The following DSCAM variants were observed in gnomAD, a reference collection of about 807,000 sequenced individuals.
DSCAM encodes the protein cell adhesion molecule DSCAM.
Under a neutral mutation model 217.7 loss-of-function variants are expected in DSCAM, and 47 were observed. That is an observed-to-expected ratio of 0.22 (90% CI 0.17 to 0.28). The LOEUF (loss-of-function observed/expected upper bound fraction) is 0.28, where lower values mean the gene tolerates loss of function less well. Among genes scored for constraint, DSCAM ranks in the 10% least tolerant of loss-of-function variants. DSCAM has a pLI of 1.00. For synonymous variants in DSCAM, 1,056 were observed against 1,015.3 expected (o/e 1.04, Z -0.76); for missense variants, 2,080 against 2,618.3 (o/e 0.79, Z 4.49).
At chr21:40,201,797 C>T (rs1159262444) in intron 11 of DSCAM, among the ~76,000 whole-genome samples, 15 of 152,046 alleles carry the variant, frequency 9.9e-5, no homozygotes, top group Non-Finnish European at 2.9e-5. Context: ...TTTTGATTTC[C>T]TGCCATCAAT....
intron 21 of DSCAM, among the ~76,000 whole-genome samples, chr21:40,089,532 C>G (rs1568934672): frequency 6.6e-6 from 1 of 152,230 alleles, no homozygotes; most frequent in Non-Finnish European, 1.5e-5. Context: ...CCCCATTCTG[C>G]CACTCCCTCC....
chr21:40,041,771 C>CACTG (rs1427330884), intron 32 of DSCAM, among the ~76,000 whole-genome samples: 1 of 152,172 alleles, frequency 6.6e-6, no homozygotes, highest in African/African-American at 2.4e-5. Flanking sequence ...AAGTCCCAAA[C>CACTG]ACTGACTATA....
chr21:40,802,724 T>G (rs2091753155), intron 1 of DSCAM, among the ~76,000 whole-genome samples: 1 of 152,228 alleles, frequency 6.6e-6, no homozygotes, highest in Non-Finnish European at 1.5e-5. Flanking sequence ...CACCATGTGA[T>G]GGCCTGGGCT....
chr21:40,067,690 G>T (rs1450233263), intron 27 of DSCAM, among the ~76,000 whole-genome samples: 1 of 147,986 alleles, frequency 6.8e-6, no homozygotes, highest in African/African-American at 2.5e-5. Flanking sequence ...TAAGCATCCT[G>T]AGTTTCTCCC....
At chr21:40,127,118 G>A (rs2090102356) in intron 19 of DSCAM, among the ~76,000 whole-genome samples, 1 of 152,070 alleles carries the variant, frequency 6.6e-6, no homozygotes. Flanking sequence ...GCTGGCTTAT[G>A]TTTTTACTGT....
rs868679993 is a variant in DSCAM at position 40,104,831 on chromosome 21, C to A, written c.3697-10957G>T. On this transcript the variant is annotated intron_variant, in intron 20 of 32. Coordinates refer to ENST00000400454, the MANE Select transcript of DSCAM (RefSeq NM_001389.5). ...TTGGAAAATCTCTGTACCTTCTTCTCAATTTTTCTGTGAACCTAAAACTGC... is the reference window on the plus strand; with the variant it reads ...TTGGAAAATCTCTGTACCTTCTTCTAAATTTTTCTGTGAACCTAAAACTGC... Among the ~76,000 whole-genome samples the A allele has an allele frequency of 1.2e-4, 18 of 152,240 alleles. 1 individual carries two copies. The Middle Eastern group carries it at 0.017, about 144-fold the overall frequency.
intron 18 of DSCAM, among the ~76,000 whole-genome samples, chr21:40,137,903 A>G (rs1475214849): frequency 6.6e-6 from 1 of 152,116 alleles, no homozygotes; most frequent in African/African-American, 2.4e-5. Context: ...AGAATGTACC[A>G]TTTTTTCCAT....
At position 40,508,098 on chromosome 21, in the gene DSCAM, G is replaced by T. The variant is rs996012262; in HGVS notation, c.509-138853C>A. ...GGTTGTAGAGAAGGGGATGGAGTAT[G>T]GACGCAGTGTGGGTCCCAGCAGATT... On this transcript the variant is annotated intron_variant, in intron 3 of 32. Transcript: ENST00000400454. Among the ~76,000 whole-genome samples the T allele has an allele frequency of 2.0e-5, 3 of 152,316 alleles. No homozygotes were observed. In the South Asian group the frequency reaches 6.2e-4, roughly 32 times the overall value.
intron 18 of DSCAM, among the ~76,000 whole-genome samples, chr21:40,141,623 A>C (rs577597516): frequency 2.6e-5 from 4 of 152,214 alleles, no homozygotes; most frequent in Non-Finnish European, 5.9e-5. Flanking sequence ...GTCTCAAAAA[A>C]AGAAAAGAAA....
chr21:40,056,997 T>C (rs1161675317), intron 28 of DSCAM, among the ~76,000 whole-genome samples: 1 of 152,176 alleles, frequency 6.6e-6, no homozygotes, highest in Non-Finnish European at 1.5e-5. Flanking sequence ...ACTTTAATTA[T>C]CCCAAAGTGA....
intron 3 of DSCAM, among the ~76,000 whole-genome samples, chr21:40,480,057 G>A (rs2075969327): frequency 6.6e-6 from 1 of 152,090 alleles, no homozygotes; most frequent in African/African-American, 2.4e-5. Flanking sequence ...CCCAAACTCA[G>A]TCAGCTGTGA....
intron 3 of DSCAM, among the ~76,000 whole-genome samples, chr21:40,588,791 C>T (rs1409569918): frequency 6.6e-6 from 1 of 151,912 alleles, no homozygotes; most frequent in Non-Finnish European, 1.5e-5. Context: ...TGTGGAAAAA[C>T]ATTTAACAAG....
intron 24 of DSCAM, among the ~76,000 whole-genome samples, chr21:40,081,056 C>T (rs1173360983): frequency 2.0e-5 from 3 of 152,202 alleles, no homozygotes; most frequent in African/African-American, 4.8e-5. Context: ...TCCCACAGAA[C>T]ACGTGGGACA....
chr21:40,101,735 C>G (rs1414078152), intron 20 of DSCAM, among the ~76,000 whole-genome samples: 1 of 151,624 alleles, frequency 6.6e-6, no homozygotes, highest in Non-Finnish European at 1.5e-5. Flanking sequence ...TGAACCATCT[C>G]AAATACTATT....
chr21:40,653,520 C>G (rs2090039305), intron 3 of DSCAM, among the ~76,000 whole-genome samples: 1 of 152,042 alleles, frequency 6.6e-6, no homozygotes, highest in East Asian at 1.9e-4. Flanking sequence ...ATGATGGAAA[C>G]TTGGTAGCTG....
At chr21:40,405,804 C>A (rs564166790) in intron 3 of DSCAM, among the ~76,000 whole-genome samples, 54 of 152,214 alleles carry the variant, frequency 3.5e-4, no homozygotes, top group Non-Finnish European at 6.9e-4. Flanking sequence ...CAAGACCAGC[C>A]TGGCTAACAC....
chr21:40,161,829 T>C (rs909904926), intron 16 of DSCAM, among the ~76,000 whole-genome samples: 2 of 152,326 alleles, frequency 1.3e-5, no homozygotes, highest in Admixed American at 6.5e-5. Context: ...TTTCATAGCC[T>C]AAAGATTAAA....
rs193085018 is a variant in DSCAM, at chr21:40,609,529, C to T, written c.508+83281G>A. On this transcript the variant is annotated intron_variant, in intron 3 of 32. Transcript: ENST00000400454. ...GGTTATTTATGATTTGTAGCAAGGA[C>T]GGCAATTAAGATTTATGCTTGTGGG... Among the ~76,000 whole-genome samples the T allele has an allele frequency of 1.2e-4, 18 of 152,274 alleles. No homozygotes were observed. The East Asian group carries it at 3.1e-3, about 26-fold the overall frequency.
Position 40,831,665 on chromosome 21 carries a change from G to T in DSCAM, c.43+14954C>A, listed in dbSNP as rs2092012818. 2.0e-5 allele frequency among the ~76,000 whole-genome samples: 3 copies of T among 152,100 alleles called. No individual in the cohort carries two copies. The South Asian group carries it at 6.2e-4, about 31-fold the overall frequency. On this transcript the variant is annotated intron_variant, in intron 1 of 32. Coordinates refer to ENST00000400454, the MANE Select transcript of DSCAM (RefSeq NM_001389.5). ...GCATGATTTAAATTTGAGAGTTGGG[G>T]AAAGATTCTATCCTGTAATATGAAT... is the stretch of plus-strand genomic sequence containing the variant.
Sources: gnomAD v4.1 joint callset for allele counts (sites outside exome capture counted in the v4.1 genomes callset) on GRCh38, gnomAD v4.1.1 for gene constraint, MANE v1.5 for transcripts, NCBI Gene and HGNC (gene_info 2026-07-23, HGNC 2026-07-21) for gene names.